RAB11FIP4: variants seen among roughly 807,000 people sequenced by gnomAD.
RAB11FIP4 encodes the protein RAB11 family interacting protein 4.
In RAB11FIP4, 23 loss-of-function variants were observed where a neutral mutation model predicts 74.3. The observed-to-expected ratio is 0.31, with a 90% CI of 0.22 to 0.44. RAB11FIP4 has a LOEUF of 0.44. Among genes scored for constraint, RAB11FIP4 ranks in the 20% least tolerant of loss-of-function variants. RAB11FIP4 has a pLI of 1.00. For synonymous variants in RAB11FIP4, 360 were observed against 359.9 expected, an observed-to-expected ratio of 1.00 and a Z score of 0.00; for missense variants, 630 against 863.9, an observed-to-expected ratio of 0.73 and a Z score of 3.39.
chr17:31,416,361 G>A (rs575335520), intron 1 of RAB11FIP4, among the ~76,000 whole-genome samples: 1 of 152,310 alleles, frequency 6.6e-6, no homozygotes, highest in Admixed American at 6.5e-5. Context: ...CAAGACAGTG[G>A]GATGTTTTGG....
chr17:31,517,364 C>T (rs1226554601), intron 3 of RAB11FIP4, among the ~76,000 whole-genome samples: 1 of 152,052 alleles, frequency 6.6e-6, no homozygotes, highest in Non-Finnish European at 1.5e-5. Context: ...TCTGATGTGC[C>T]AACCAGGGTG....
At chr17:31,505,407 AATAATTATTATATATTAATAT>A (rs1447793781) in intron 3 of RAB11FIP4, among the ~76,000 whole-genome samples, 1 of 111,022 alleles carries the variant, frequency 9.0e-6, no homozygotes, top group Non-Finnish European at 1.7e-5. Context: ...AATAATATAT[AATAATTATTATATATTAATAT>A]ATAATTATTA....
At chr17:31,451,066 C>G (rs2071522517) in intron 3 of RAB11FIP4, among the ~76,000 whole-genome samples, 1 of 152,176 alleles carries the variant, frequency 6.6e-6, no homozygotes, top group African/African-American at 2.4e-5. Context: ...GGTTACACCC[C>G]AGTCCCAGCA....
At chr17:31,523,395 G>A (rs1352936575) in intron 7 of RAB11FIP4, 117 bp from the exon 8 acceptor site, 5 of 800,364 alleles carry the variant, frequency 6.2e-6, no homozygotes, top group Non-Finnish European at 8.8e-6. Flanking sequence ...AGTGAGGGCA[G>A]CCTCCTTAAA....
At chr17:31,506,114 A>C (rs1252659045) in intron 3 of RAB11FIP4, among the ~76,000 whole-genome samples, 1 of 152,192 alleles carries the variant, frequency 6.6e-6, no homozygotes, top group Non-Finnish European at 1.5e-5. Context: ...ACATCTTGTT[A>C]AATTTCAATT....
chr17:31,522,002 C>T lies in RAB11FIP4; in HGVS notation c.846C>T (p.Asn282=). Residue 282 remains asparagine (N), a synonymous_variant, in exon 6 of 15, where the codon AAC becomes AAT. Coordinates refer to ENST00000621161, the MANE Select transcript of RAB11FIP4 (RefSeq NM_032932.6). ...GCTCTCAATGCTGCAAGAAAATCAACCTGCTCAATGACTTGGAAGCCCGAC... is the reference window on the plus strand; with the variant it reads ...GCTCTCAATGCTGCAAGAAAATCAATCTGCTCAATGACTTGGAAGCCCGAC... ...VYCSQCCKKI[N]LLNDLEARLK... 2 of 1,614,166 alleles carry T rather than the reference C, an allele frequency of 1.2e-6. No homozygotes were observed. Among genetic ancestry groups the T allele is most frequent in the Non-Finnish European group, 1.7e-6 (2 of 1,180,044 alleles).
At chr17:31,514,990 G>C (rs1326853545) in intron 3 of RAB11FIP4, among the ~76,000 whole-genome samples, 2 of 152,214 alleles carry the variant, frequency 1.3e-5, no homozygotes, top group Non-Finnish European at 2.9e-5. Context: ...AAAGGCAGGC[G>C]GGGTGGGGGG....
chr17:31,420,943 G>A (rs1207912546), intron 1 of RAB11FIP4, among the ~76,000 whole-genome samples: 4 of 151,998 alleles, frequency 2.6e-5, no homozygotes, highest in Admixed American at 6.6e-5. Flanking sequence ...AATTAGCCAG[G>A]CATGGTGGTG....
At chr17:31,449,546 G>A (rs2071504851) in intron 3 of RAB11FIP4, among the ~76,000 whole-genome samples, 1 of 152,112 alleles carries the variant, frequency 6.6e-6, no homozygotes, top group African/African-American at 2.4e-5. Context: ...ACAGTCACCA[G>A]GGACTTCTTT....
At chr17:31,517,191 C>CGGGGGGGGGGGGGG (rs537395833) in intron 3 of RAB11FIP4, among the ~76,000 whole-genome samples, 8 of 42,694 alleles carry the variant, frequency 1.9e-4, no homozygotes, top group Non-Finnish European at 3.3e-4. Flanking sequence ...GGAGGCGGTG[C>CGGGGGGGGGGGGGG]GGGGGGGGGG....
At chr17:31,414,563 A>G (rs1257273921) in intron 1 of RAB11FIP4, among the ~76,000 whole-genome samples, 1 of 152,210 alleles carries the variant, frequency 6.6e-6, no homozygotes, top group Non-Finnish European at 1.5e-5. Context: ...GGGCCACCTG[A>G]TGACACTCAG....
At chr17:31,442,127 T>C (rs2071412187) in intron 3 of RAB11FIP4, among the ~76,000 whole-genome samples, 1 of 151,948 alleles carries the variant, frequency 6.6e-6, no homozygotes, top group East Asian at 1.9e-4. Context: ...GCCTCCCAAG[T>C]AGCTGGGACT....
chr17:31,458,057 T>C (rs986130781), intron 3 of RAB11FIP4, among the ~76,000 whole-genome samples: 16 of 152,176 alleles, frequency 1.1e-4, no homozygotes, highest in African/African-American at 3.9e-4. Flanking sequence ...CCCTGCCAAG[T>C]AGGTACTGTG....
chr17:31,464,912 C>G (rs962157525), intron 3 of RAB11FIP4, among the ~76,000 whole-genome samples: 2 of 151,670 alleles, frequency 1.3e-5, no homozygotes, highest in Non-Finnish European at 2.9e-5. Flanking sequence ...AGGCACGTAC[C>G]ATCATGCCTG....
Position 31,534,969 on chromosome 17 carries a change from C to T in RAB11FIP4, c.*3237C>T, listed in dbSNP as rs74672160. ...CCTTCTGGTTCAGCTAGTCCCTGTG[C>T]GTTGAGAGGCTTTAAGAAACTTCTA... On this transcript the variant is annotated 3_prime_UTR_variant, in exon 15 of 15. Transcript: ENST00000621161. 2,352 of 154,302 alleles carry T rather than the reference C, an allele frequency of 0.015. 62 individuals are homozygous for T. The highest frequency in any genetic ancestry group is 0.054 in the African/African-American group (2,260 of 41,552). 9.6% of individuals were successfully genotyped at this position (154,302 alleles called of 1,614,324 possible). A position where few individuals can be genotyped will look rare whatever the true frequency, so the allele number is the denominator to read the frequency against.
At chr17:31,478,224 C>A (rs776031350) in intron 3 of RAB11FIP4, among the ~76,000 whole-genome samples, 13 of 152,098 alleles carry the variant, frequency 8.5e-5, no homozygotes, top group Non-Finnish European at 1.5e-4. Context: ...AACTCTTGAC[C>A]TCAAATGATT....
intron 1 of RAB11FIP4, among the ~76,000 whole-genome samples, chr17:31,410,549 A>C (rs1216062362): frequency 6.6e-6 from 1 of 151,996 alleles, no homozygotes; most frequent in Non-Finnish European, 1.5e-5. Flanking sequence ...CCCTGTCTCT[A>C]CTAAAAATAC....
At chr17:31,491,928 C>T (rs540968129) in intron 3 of RAB11FIP4, among the ~76,000 whole-genome samples, 15 of 152,312 alleles carry the variant, frequency 9.8e-5, no homozygotes, top group South Asian at 2.1e-4. Context: ...TCCATGTGAA[C>T]GTGGAAACAT....
At chr17:31,430,595 G>A (rs9915808) in intron 1 of RAB11FIP4, among the ~76,000 whole-genome samples, 2,274 of 151,934 alleles carry the variant, frequency 0.015, 67 homozygotes, top group African/African-American at 0.052. Context: ...TCCTGACCTC[G>A]TGATCTACCC....
Sources: gnomAD v4.1 joint callset for allele counts (sites outside exome capture counted in the v4.1 genomes callset) on GRCh38, gnomAD v4.1.1 for gene constraint, MANE v1.5 for transcripts, NCBI Gene and HGNC (gene_info 2026-07-23, HGNC 2026-07-21) for gene names.